SHISAL1: variants seen among roughly 807,000 people sequenced by gnomAD.
The protein encoded by SHISAL1 is shisa like 1.
In SHISAL1, 9 loss-of-function variants were observed where a neutral mutation model predicts 22.6. That is an observed-to-expected ratio of 0.40 (90% CI 0.24 to 0.70). The LOEUF (loss-of-function observed/expected upper bound fraction) is 0.70, where lower values mean the gene tolerates loss of function less well. Among genes scored for constraint, SHISAL1 ranks in the 30% least tolerant of loss-of-function variants. The pLI, the probability that SHISAL1 is intolerant of heterozygous loss-of-function variation, is 0.39. For missense variants in SHISAL1, 246 were observed against 270.6 expected, an observed-to-expected ratio of 0.91 and a Z score of 0.64; for synonymous variants, 119 against 115.4, an observed-to-expected ratio of 1.03 and a Z score of -0.20.
the SHISAL1 span, among the ~76,000 whole-genome samples, chr22:44,327,475 G>A: frequency 1.3e-5 from 2 of 152,252 alleles, no homozygotes; most frequent in South Asian, 4.1e-4. Context: ...TAACTGGGGT[G>A]GGGGGACAGA....
chr22:44,270,916 T>C (rs908618147), intron 4 of SHISAL1, among the ~76,000 whole-genome samples: 1 of 152,120 alleles, frequency 6.6e-6, no homozygotes, highest in African/African-American at 2.4e-5. Context: ...AGTATCTCCT[T>C]CTTCTTGTCT....
At chr22:44,309,281 C>T (rs565635160) in intron 1 of SHISAL1, among the ~76,000 whole-genome samples, 43 of 152,294 alleles carry the variant, frequency 2.8e-4, no homozygotes, top group African/African-American at 9.9e-4. Flanking sequence ...CAGTAGATTA[C>T]GTAATGATGA....
chr22:44,251,546 T>A (rs1303582028), intron 4 of SHISAL1, among the ~76,000 whole-genome samples: 1 of 152,162 alleles, frequency 6.6e-6, no homozygotes, highest in Non-Finnish European at 1.5e-5. Flanking sequence ...CTGGGCAACT[T>A]ACAAAAGAGG....
At chr22:44,289,841 G>T (rs2147294087) in intron 3 of SHISAL1, among the ~76,000 whole-genome samples, 1 of 152,330 alleles carries the variant, frequency 6.6e-6, no homozygotes, top group South Asian at 2.1e-4. Context: ...AGGGGTCTTT[G>T]TTGTGTGGGT....
the SHISAL1 span, among the ~76,000 whole-genome samples, chr22:44,319,106 G>A: frequency 6.6e-6 from 1 of 152,286 alleles, no homozygotes; most frequent in Non-Finnish European, 1.5e-5. Flanking sequence ...GGCCACGGAG[G>A]CAGAACCAAA....
chr22:44,263,099 T>TTTTTTG (rs2055137340), intron 4 of SHISAL1, among the ~76,000 whole-genome samples: 1 of 148,488 alleles, frequency 6.7e-6, no homozygotes, highest in Non-Finnish European at 1.5e-5. Context: ...TTTTTTTTTT[T>TTTTTTG]GGAGATGGAG....
At chr22:44,262,716 C>A (rs971435215) in intron 4 of SHISAL1, among the ~76,000 whole-genome samples, 1 of 152,220 alleles carries the variant, frequency 6.6e-6, no homozygotes, top group African/African-American at 2.4e-5. Flanking sequence ...GGCTGCCCTG[C>A]TGGCCCTAGT....
At chr22:44,330,251 CTA>C in the SHISAL1 span, among the ~76,000 whole-genome samples, 1 of 152,220 alleles carries the variant, frequency 6.6e-6, no homozygotes, top group Non-Finnish European at 1.5e-5. Context: ...GGCTGCCATT[CTA>C]TCTTCCAGAT....
rs1394930194 is a variant in SHISAL1, at chr22:44,249,605, G to A, written c.*80C>T. The A allele has an allele frequency of 1.3e-6, 1 of 774,458 alleles. No homozygotes were observed. The highest frequency in any genetic ancestry group is 1.7e-5 in the African/African-American group (1 of 58,488). 48.0% of individuals were successfully genotyped at this position (774,458 alleles called of 1,614,324 possible). A position where few individuals can be genotyped will look rare whatever the true frequency, so the allele number is the denominator to read the frequency against. ...TACCTCGGCTGTCCCTGGCATCTCT[G>A]TAGAAGTTGTTCTTCTCGGAGGCTG... is the stretch of plus-strand genomic sequence containing the variant. On this transcript the variant is annotated 3_prime_UTR_variant, in exon 5 of 5. Transcript: ENST00000381176.
intron 1 of SHISAL1, among the ~76,000 whole-genome samples, chr22:44,306,643 G>T (rs866517235): frequency 1.8e-4 from 23 of 126,808 alleles, no homozygotes; most frequent in African/African-American, 6.8e-4. Flanking sequence ...TGGCGTGTGT[G>T]GAGGGGACCT....
At chr22:44,288,528 C>A (rs1249686387) in intron 3 of SHISAL1, among the ~76,000 whole-genome samples, 1 of 152,192 alleles carries the variant, frequency 6.6e-6, no homozygotes, top group Non-Finnish European at 1.5e-5. Context: ...GTAATCCCAG[C>A]TACTCAGGAG....
chr22:44,330,540 C>G, the SHISAL1 span, among the ~76,000 whole-genome samples: 1 of 152,122 alleles, frequency 6.6e-6, no homozygotes, highest in Non-Finnish European at 1.5e-5. Context: ...GAGGCTGGGG[C>G]AGCTAGCAAG....
intron 4 of SHISAL1, among the ~76,000 whole-genome samples, chr22:44,270,544 G>A (rs1247849087): frequency 6.6e-6 from 1 of 152,216 alleles, no homozygotes; most frequent in Non-Finnish European, 1.5e-5. Flanking sequence ...GGACCTTGGA[G>A]GCTTACAGAA....
rs1418582797 is a variant in SHISAL1, at chr22:44,295,278, G to T, written c.281+1394C>A. Reference sequence around the variant, plus strand: ...TTGGTAAGTTTGCATTTCATCTCGGGGGAAAAGAGATGGCCAATTTAATAA... The same window carrying T: ...TTGGTAAGTTTGCATTTCATCTCGGTGGAAAAGAGATGGCCAATTTAATAA... On this transcript the variant is annotated intron_variant, in intron 3 of 4. Transcript: ENST00000381176. Among the ~76,000 whole-genome samples the T allele has an allele frequency of 2.6e-5, 4 of 151,648 alleles. No individual in the cohort carries two copies. The South Asian group carries it at 6.3e-4, about 24-fold the overall frequency.
upstream of SHISAL1, among the ~76,000 whole-genome samples, chr22:44,315,382 G>A (rs77128697): frequency 0.045 from 6,843 of 152,232 alleles, 219 homozygotes; most frequent in Non-Finnish European, 0.062. Flanking sequence ...CTTTGGCCTG[G>A]CTGGGGGTCC....
At chr22:44,290,539 A>AAAAAAAAAAAAAAAC (rs1377709388) in intron 3 of SHISAL1, among the ~76,000 whole-genome samples, 1 of 148,022 alleles carries the variant, frequency 6.8e-6, no homozygotes, top group African/African-American at 2.6e-5. Context: ...CAAAAAAAAA[A>AAAAAAAAAAAAAAAC]AAAAACAAAA....
intron 4 of SHISAL1, among the ~76,000 whole-genome samples, chr22:44,284,897 G>GCCTGCCTTCCTGCCTT (rs570595554): frequency 1.5e-5 from 2 of 134,504 alleles, no homozygotes; most frequent in African/African-American, 5.9e-5. Flanking sequence ...CTGCCTTCCT[G>GCCTGCCTTCCTGCCTT]CCTTCCTTCC....
intron 4 of SHISAL1, among the ~76,000 whole-genome samples, chr22:44,260,413 C>T (rs2055113513): frequency 6.6e-6 from 1 of 152,198 alleles, no homozygotes; most frequent in African/African-American, 2.4e-5. Flanking sequence ...GACCTGGTGA[C>T]AATTCAGTCT....
chr22:44,322,796 T>A, the SHISAL1 span, among the ~76,000 whole-genome samples: 1 of 152,188 alleles, frequency 6.6e-6, no homozygotes, highest in Non-Finnish European at 1.5e-5. Flanking sequence ...ATCATCCAGC[T>A]ACACAACGCA....
Sources: allele counts gnomAD v4.1 joint callset (sites outside exome capture counted in the v4.1 genomes callset), GRCh38; gene constraint gnomAD v4.1.1; transcripts MANE v1.5; gene names NCBI Gene and HGNC (gene_info 2026-07-23, HGNC 2026-07-21).